Variants in UCKL1 observed in about 807,000 individuals in gnomAD.
The protein encoded by UCKL1 is uridine-cytidine kinase-like 1.
In UCKL1, 65 loss-of-function variants were observed where a neutral mutation model predicts 59.2. The ratio of observed to expected loss-of-function variants is 1.10; its 90% CI spans 0.90 to 1.35. The LOEUF (loss-of-function observed/expected upper bound fraction) is 1.35, where lower values mean the gene tolerates loss of function less well. Among genes scored for constraint, UCKL1 ranks in the 40% most tolerant of loss-of-function variants. The probability of loss-of-function intolerance (pLI) is 0.00; values close to 1 mark genes in which losing one functional copy is unlikely to be tolerated. For synonymous variants in UCKL1, 410 were observed against 323.1 expected (o/e 1.27, Z -2.88); for missense variants, 703 against 784.3 (o/e 0.90, Z 1.24).
chr20:63,941,905 G>A (rs1004398775), intron 8 of UCKL1, among the ~76,000 whole-genome samples: 3 of 149,058 alleles, frequency 2.0e-5, no homozygotes, highest in African/African-American at 7.4e-5. Flanking sequence ...AGAGGAAAGC[G>A]ACAGGCCACA....
In UCKL1 at chr20:63,940,972, G is replaced by A. The variant is rs1278646054; in HGVS notation, c.1094C>T (p.Ala365Val). 1 of 1,527,364 alleles carries A rather than the reference G, an allele frequency of 6.5e-7. No individual in the cohort carries two copies. The highest frequency in any genetic ancestry group is 2.3e-5 in the East Asian group (1 of 43,942). The allele number at this position is 1,527,364 out of a possible 1,614,324, so 94.6% of individuals were successfully genotyped here. A position where few individuals can be genotyped will look rare whatever the true frequency, so the allele number is the denominator to read the frequency against. ...KRLMRLLIEH[A>V]LSFLPFQDCV... ...AACCTGAAAGGGCAGGAAGGAGAGC[G>A]CGTGCTCGATGAGCAGCCGCATCAG... Residue 365 changes from alanine to valine, a missense_variant, in exon 10 of 15, where the codon GCG (alanine) becomes GTG (valine). By Grantham distance (64) the Ala-to-Val change is moderately conservative. Transcript: ENST00000354216.
At chr20:63,956,112 C>G in intron 1 of UCKL1, 148 bp downstream of exon 1, 1 of 769,206 alleles carries the variant, frequency 1.3e-6, no homozygotes, top group Non-Finnish European at 1.9e-6. Context: ...GGGGTTCCAC[C>G]CGGCACGTGG....
chr20:63,940,084 T>A, intron 14 of UCKL1, 29 bp from the exon 15 acceptor site: 1 of 1,587,020 alleles, frequency 6.3e-7, no homozygotes. Context: ...GGGTCCAGTG[T>A]GGTGGGGCCT....
chr20:63,944,510 C>G, intron 6 of UCKL1, 35 bp downstream of exon 6: 2 of 1,591,814 alleles, frequency 1.3e-6, no homozygotes, highest in Non-Finnish European at 1.7e-6. Flanking sequence ...TTGGCCTGCC[C>G]GACACCCACC....
At chr20:63,950,551 C>T (rs996835990) in intron 1 of UCKL1, among the ~76,000 whole-genome samples, 6 of 152,296 alleles carry the variant, frequency 3.9e-5, no homozygotes, top group East Asian at 1.9e-4. Context: ...GGTTCCAAGC[C>T]GTAACCAACA....
At chr20:63,944,524 C>T (rs1237195619) in intron 6 of UCKL1, 21 bp downstream of exon 6, 2 of 1,599,932 alleles carry the variant, frequency 1.3e-6, no homozygotes, top group African/African-American at 1.3e-5. Flanking sequence ...ACCCACCCAA[C>T]AGGCAGCCCA....
In UCKL1 at chr20:63,944,576, G is replaced by A; in HGVS notation, c.813C>T (p.Thr271=). 1 of 1,612,560 alleles carries A rather than the reference G, an allele frequency of 6.2e-7. No individual in the cohort carries two copies. The highest frequency in any genetic ancestry group is 8.5e-7 in the Non-Finnish European group (1 of 1,179,686). The change falls in exon 6 of 15, where the codon ACC becomes ACT. Residue 271 remains threonine (T), a synonymous_variant. Transcript: ENST00000354216. ...GGACCACGATGTCTGCCAGGCGCAT[G>A]GTGGGCTGGATGTACTGGTCGAAGG... ...KPSFDQYIQP[T]MRLADIVVPR...
chr20:63,946,982 G>A (rs374736481), intron 1 of UCKL1, among the ~76,000 whole-genome samples: 52 of 152,178 alleles, frequency 3.4e-4, no homozygotes, highest in Admixed American at 6.5e-4. Context: ...TACTAGGGAG[G>A]CTGAGGCAGG....
chr20:63,941,919 T>C (rs1039080900), intron 8 of UCKL1, among the ~76,000 whole-genome samples: 1 of 125,444 alleles, frequency 8.0e-6, no homozygotes, highest in Non-Finnish European at 1.7e-5. Context: ...GGCCACAGAA[T>C]TGGGTGTGGC....
chr20:63,955,489 A>G (rs2058446227), intron 1 of UCKL1: 1 of 152,256 alleles, frequency 6.6e-6, no homozygotes, highest in Admixed American at 6.5e-5. Flanking sequence ...GTCCTGGCTC[A>G]CAGCGTTTCT....
intron 1 of UCKL1, among the ~76,000 whole-genome samples, chr20:63,951,524 C>G (rs907310648): frequency 2.0e-5 from 3 of 152,176 alleles, no homozygotes; most frequent in Non-Finnish European, 4.4e-5. Context: ...AGAGTGCTTC[C>G]GACAGGCATA....
chr20:63,940,007 C>T lies in UCKL1; in HGVS notation c.1616G>A (p.Ser539Asn). ...CGTGTAGGCCACTTCCTCCTCGTCA[C>T]TGCCATCGGGGACCGCGTCTGTCCC... is the stretch of plus-strand genomic sequence containing the variant. ...YFGTDAVPDG[S>N]DEEEVAYTG is the part of the protein sequence containing the mutation. Residue 539 changes from serine to asparagine, a missense_variant, in exon 15 of 15, where the codon AGT becomes AAT. By Grantham distance (46) the Ser-to-Asn change is conservative. Transcript: ENST00000354216. The T allele has an allele frequency of 6.2e-7, 1 of 1,611,490 alleles. No individual in the cohort carries two copies. Among genetic ancestry groups the T allele is most frequent in the Middle Eastern group, 1.7e-4 (1 of 6,056 alleles).
intron 5 of UCKL1, 37 bp from the exon 6 acceptor site, chr20:63,944,771 C>T (rs1305187051): frequency 6.8e-6 from 11 of 1,605,876 alleles, no homozygotes; most frequent in Admixed American, 1.7e-5. Flanking sequence ...GGCCAGATGC[C>T]AGCAGTGGGC....
chr20:63,944,375 G>A, intron 7 of UCKL1, 22 bp downstream of exon 7: 1 of 1,545,908 alleles, frequency 6.5e-7, no homozygotes, highest in Non-Finnish European at 8.7e-7. Context: ...GCTAGGCCGT[G>A]GGGACGTGGG....
At position 63,944,687 on chromosome 20, in the gene UCKL1, C is replaced by A; in HGVS notation, c.702G>T (p.Leu234=). The A allele has an allele frequency of 6.2e-7, 1 of 1,612,996 alleles. No individual in the cohort carries two copies. The highest frequency in any genetic ancestry group is 8.5e-7 in the Non-Finnish European group (1 of 1,179,970). ...TGATGTCCCGGCGCAGCCGCCGTACCAGGCGGATGTCGGAGTCTGTGTCCA... is the reference window on the plus strand; with the variant it reads ...TGATGTCCCGGCGCAGCCGCCGTACAAGGCGGATGTCGGAGTCTGTGTCCA... The part of the protein sequence containing the change: ...IFVDTDSDIR[L]VRRLRRDISE... Residue 234 remains leucine, a synonymous_variant, in exon 6 of 15, where the codon CTG becomes CTT. Coordinates refer to ENST00000354216, the MANE Select transcript of UCKL1 (RefSeq NM_017859.4).
In UCKL1 at chr20:63,953,743, G is replaced by C. The variant is rs118096660; in HGVS notation, c.113+2517C>G. 8.7e-3 allele frequency: 1,331 copies of C among 152,604 alleles called. 8 individuals carry two copies. Among genetic ancestry groups the C allele is most frequent in the Non-Finnish European group, 0.015 (1,009 of 68,104 alleles). The allele number at this position is 152,604 out of a possible 1,614,324, so 9.5% of individuals were successfully genotyped here. On this transcript the variant is annotated intron_variant, in intron 1 of 14. Transcript: ENST00000354216. ...GCACAGGCATGTGTGGAGACCTGGA[G>C]GCAGGGCTGCCCCTCACGAACCATC...
chr20:63,940,271 C>T lies in UCKL1; in HGVS notation c.1446G>A (p.Leu482=). 6.2e-7 allele frequency: 1 copy of T among 1,612,732 alleles called. No homozygotes were observed. The highest frequency in any genetic ancestry group is 1.1e-5 in the South Asian group (1 of 91,082). ...HDVPEDKIFL[L]SLLMAEMGVH... ...CGCCCATCTCTGCCATGAGCAGCGA[C>T]AGCAAAAAGATCTTGTCCTCAGGCA... Residue 482 remains leucine, a synonymous_variant, in exon 14 of 15, where the codon CTG becomes CTA. Coordinates refer to ENST00000354216, the MANE Select transcript of UCKL1 (RefSeq NM_017859.4).
At position 63,940,160 on chromosome 20, in the gene UCKL1, G is replaced by A. The variant is rs141708025; in HGVS notation, c.1557C>T (p.Ile519=). ...CCCGGGCAGCCTCACCAATGCCTGG[G>A]ATGATGCGGAAAAGGTCATTGACCC... is the stretch of plus-strand genomic sequence containing the variant. ...DKRVNDLFRI[I]PGIGNFGDRY... The change falls in exon 14 of 15, where the codon ATC becomes ATT. Residue 519 remains isoleucine, a synonymous_variant. Coordinates refer to ENST00000354216, the MANE Select transcript of UCKL1 (RefSeq NM_017859.4). The A allele has an allele frequency of 7.4e-6, 12 of 1,612,566 alleles. No individual in the cohort carries two copies. In the African/African-American group the frequency reaches 1.1e-4, roughly 14 times the overall value.
In UCKL1 at chr20:63,956,356, G is replaced by A. The variant is rs775373658; in HGVS notation, c.17C>T (p.Ala6Val). The A allele has an allele frequency of 1.3e-6, 2 of 1,532,336 alleles. No homozygotes were observed. The highest frequency in any genetic ancestry group is 2.4e-5 in the South Asian group (2 of 82,584). 94.9% of individuals were successfully genotyped at this position (1,532,336 alleles called of 1,614,324 possible). Reference sequence around the variant, plus strand: ...GGGCGAAGGATCAGCGTCCGCGCGGGCCGGGGGCGCAGCCATGGCGCTCGG... The same window carrying A: ...GGGCGAAGGATCAGCGTCCGCGCGGACCGGGGGCGCAGCCATGGCGCTCGG... MAAPP[A>V]RADADPSPTS... The change falls in exon 1 of 15, where the codon GCC becomes GTC. Residue 6 changes from alanine (A) to valine (V), a missense_variant. Physicochemically the swap from Ala to Val is moderately conservative, Grantham distance 64. This residue lies in a region of UCKL1 where 398 missense variants were observed against 373.0 expected (regional missense o/e 1.07). Transcript: ENST00000354216.
Sources: gnomAD v4.1 joint callset for allele counts (sites outside exome capture counted in the v4.1 genomes callset) on GRCh38, gnomAD v4.1.1 for gene constraint, gnomAD v4.1.1 regional missense constraint, MANE v1.5 for transcripts, NCBI Gene and HGNC (gene_info 2026-07-23, HGNC 2026-07-21) for gene names.